The following DLGAP1 variants were observed in gnomAD, a reference collection of about 807,000 sequenced individuals.
The protein encoded by DLGAP1 is DLG associated protein 1.
In DLGAP1, 11 loss-of-function variants were observed where a neutral mutation model predicts 90.8. The ratio of observed to expected loss-of-function variants is 0.12; its 90% CI spans 0.08 to 0.20. The LOEUF (loss-of-function observed/expected upper bound fraction) is 0.20, where lower values mean the gene tolerates loss of function less well. DLGAP1 is among the 10% of genes least tolerant of loss of function. The pLI, the probability that DLGAP1 is intolerant of heterozygous loss-of-function variation, is 1.00. For missense variants in DLGAP1, 1,050 were observed against 1,333.8 expected (o/e 0.79, Z 3.31); for synonymous variants, 558 against 540.7 (o/e 1.03, Z -0.44).
chr18:4,407,616 C>T (rs1220283875), intron 1 of DLGAP1, among the ~76,000 whole-genome samples: 2 of 152,056 alleles, frequency 1.3e-5, no homozygotes, highest in Non-Finnish European at 2.9e-5. Flanking sequence ...CGCTGGCTCA[C>T]GCCTGTAATC....
chr18:3,625,183 A>G (rs1214748200), intron 7 of DLGAP1, among the ~76,000 whole-genome samples: 1 of 152,210 alleles, frequency 6.6e-6, no homozygotes, highest in African/African-American at 2.4e-5. Context: ...TTAAATGCCC[A>G]GTGATGTTAC....
intron 5 of DLGAP1, among the ~76,000 whole-genome samples, chr18:3,793,862 T>C (rs1481583353): frequency 2.0e-5 from 3 of 152,196 alleles, no homozygotes; most frequent in African/African-American, 7.2e-5. Flanking sequence ...CACCTCCTCC[T>C]GCTTAACTTT....
At position 3,604,049 on chromosome 18, in the gene DLGAP1, T is replaced by C. The variant is rs569800507; in HGVS notation, c.1592-21801A>G. On this transcript the variant is annotated intron_variant, in intron 7 of 12. Coordinates refer to ENST00000315677, the MANE Select transcript of DLGAP1 (RefSeq NM_004746.4). Reference sequence around the variant, plus strand: ...ATTTATATAAGAAGCGCCTAAGAAATGCCTGTGACGTTCGTGAACTAGTGA... The same window carrying C: ...ATTTATATAAGAAGCGCCTAAGAAACGCCTGTGACGTTCGTGAACTAGTGA... 6 of 154,452 alleles carry C rather than the reference T, an allele frequency of 3.9e-5. No homozygotes were observed. In the South Asian group the frequency reaches 1.0e-3, roughly 26 times the overall value. 9.6% of individuals were successfully genotyped at this position (154,452 alleles called of 1,614,324 possible).
intron 1 of DLGAP1, among the ~76,000 whole-genome samples, chr18:4,172,191 C>T (rs2077037357): frequency 6.6e-6 from 1 of 152,130 alleles, no homozygotes; most frequent in Non-Finnish European, 1.5e-5. Context: ...CTTAATGTTC[C>T]TGTAAAAGTA....
intron 2 of DLGAP1, among the ~76,000 whole-genome samples, chr18:4,070,958 G>T (rs1598347589): frequency 6.6e-6 from 1 of 152,246 alleles, no homozygotes. Flanking sequence ...AGCTGGTGCT[G>T]TCTTAAGGCA....
chr18:4,100,115 G>A (rs961355665), intron 2 of DLGAP1, among the ~76,000 whole-genome samples: 4 of 152,152 alleles, frequency 2.6e-5, no homozygotes, highest in Admixed American at 2.0e-4. Context: ...TTTCCAGAAG[G>A]TTTCTTAATG....
chr18:3,963,272 GC>G (rs201873629), intron 3 of DLGAP1, among the ~76,000 whole-genome samples: 2 of 19,996 alleles, frequency 1.0e-4, no homozygotes, highest in African/African-American at 1.5e-4. Flanking sequence ...CCATTTCATT[GC>G]CCCCCTCACC....
In DLGAP1 at chr18:3,498,925, A is replaced by T; in HGVS notation, c.*260T>A. ...CTTTGCCCAGAAAATAAAGGGTTGG[A>T]TCTCAGTATGAGGCAGGGCGACGGC... On this transcript the variant is annotated 3_prime_UTR_variant, in exon 13 of 13. Transcript: ENST00000315677. 2.0e-6 allele frequency: 1 copy of T among 505,834 alleles called. No homozygotes were observed. 31.3% of individuals were successfully genotyped at this position (505,834 alleles called of 1,614,324 possible).
chr18:4,173,126 A>G (rs1159954647), intron 1 of DLGAP1, among the ~76,000 whole-genome samples: 1 of 152,214 alleles, frequency 6.6e-6, no homozygotes, highest in African/African-American at 2.4e-5. Flanking sequence ...AAGGAAATAT[A>G]TTGATTAAAG....
chr18:3,708,761 A>C (rs2061514526), intron 7 of DLGAP1, among the ~76,000 whole-genome samples: 1 of 152,368 alleles, frequency 6.6e-6, no homozygotes. Context: ...TCTTGGAGAA[A>C]ATAAATTGTA....
chr18:4,387,520 G>A (rs186051416), intron 1 of DLGAP1, among the ~76,000 whole-genome samples: 33 of 152,286 alleles, frequency 2.2e-4, no homozygotes, highest in East Asian at 1.9e-4. Flanking sequence ...TTCTAATTAT[G>A]TCTCTTGCTC....
chr18:3,958,005 T>C (rs984065117), intron 3 of DLGAP1, among the ~76,000 whole-genome samples: 4 of 151,950 alleles, frequency 2.6e-5, no homozygotes, highest in Non-Finnish European at 4.4e-5. Context: ...GAAATTCTCA[T>C]GCCTCAGCCT....
intron 3 of DLGAP1, among the ~76,000 whole-genome samples, chr18:3,932,604 G>A (rs904476171): frequency 1.1e-4 from 16 of 152,190 alleles, no homozygotes; most frequent in Non-Finnish European, 1.5e-5. Context: ...TGTGACAAGG[G>A]CAGCAAGGAC....
chr18:3,743,274 T>C lies in DLGAP1; in HGVS notation c.1173-762A>G, dbSNP rs557974230. ...TCCATACCCTTAAAAGAACTACTCA[T>C]AGCAGTTTGGGGTATATTCTTCCTC... On this transcript the variant is annotated intron_variant, in intron 5 of 12. Coordinates refer to ENST00000315677, the MANE Select transcript of DLGAP1 (RefSeq NM_004746.4). Among the ~76,000 whole-genome samples the C allele has an allele frequency of 3.3e-4, 51 of 152,312 alleles. 2 individuals carry two copies. The South Asian group carries it at 9.5e-3, about 28-fold the overall frequency.
At chr18:3,716,000 T>A (rs2061748535) in intron 7 of DLGAP1, among the ~76,000 whole-genome samples, 1 of 152,200 alleles carries the variant, frequency 6.6e-6, no homozygotes, top group East Asian at 1.9e-4. Context: ...GAATATTTTT[T>A]AAAAATTTAG....
intron 4 of DLGAP1, 137 bp from the exon 5 acceptor site, chr18:3,814,410 G>A: frequency 2.6e-6 from 2 of 779,132 alleles, no homozygotes; most frequent in South Asian, 2.0e-5. Context: ...CGCCCAGACT[G>A]GAGTGCAGTG....
chr18:4,316,311 A>G lies in DLGAP1; in HGVS notation c.-267+138695T>C, dbSNP rs1039910909. Among the ~76,000 whole-genome samples, 3 of 152,290 alleles carry G rather than the reference A, an allele frequency of 2.0e-5. No homozygotes were observed. The South Asian group carries it at 6.2e-4, about 32-fold the overall frequency. ...ACTCTATATTGCATACGAAAACACC[A>G]CAAGTTCTGGTTGCCATGCACAGCC... On this transcript the variant is annotated intron_variant, in intron 1 of 12. Coordinates refer to ENST00000315677, the MANE Select transcript of DLGAP1 (RefSeq NM_004746.4).
intron 1 of DLGAP1, among the ~76,000 whole-genome samples, chr18:4,162,512 G>A (rs2076863896): frequency 6.6e-6 from 1 of 152,038 alleles, no homozygotes; most frequent in Non-Finnish European, 1.5e-5. Context: ...ACTAATCCAA[G>A]TCAATTATAA....
At chr18:3,597,964 A>G (rs985379751) in intron 7 of DLGAP1, 15 of 152,754 alleles carry the variant, frequency 9.8e-5, no homozygotes, top group African/African-American at 3.6e-4. Context: ...GTATCTGGGT[A>G]ACCCGTGTAA....
Sources: allele counts gnomAD v4.1 joint callset (sites outside exome capture counted in the v4.1 genomes callset), GRCh38; gene constraint gnomAD v4.1.1; transcripts MANE v1.5; gene names NCBI Gene and HGNC (gene_info 2026-07-23, HGNC 2026-07-21).